ACCSL: variants seen among roughly 807,000 people sequenced by gnomAD.
ACCSL encodes probable inactive 1-aminocyclopropane-1-carboxylate synthase-like protein 2.
Under a neutral mutation model 61.7 loss-of-function variants are expected in ACCSL, and 55 were observed. The ratio of observed to expected loss-of-function variants is 0.89; its 90% CI spans 0.72 to 1.12. The LOEUF is 1.12. ACCSL is among the 50% of genes most tolerant of loss of function. The probability of loss-of-function intolerance (pLI) is 0.00; values close to 1 mark genes in which losing one functional copy is unlikely to be tolerated. For missense variants in ACCSL, 632 were observed against 698.0 expected (o/e 0.91, Z 1.07); for synonymous variants, 258 against 264.3 (o/e 0.98, Z 0.23).
the ACCSL span, among the ~76,000 whole-genome samples, chr11:43,980,424 G>T: frequency 6.6e-6 from 1 of 152,118 alleles, no homozygotes; most frequent in African/African-American, 2.4e-5. Flanking sequence ...CTTATCACAG[G>T]ATCTTATCAG....
chr11:44,032,237 C>T, the ACCSL span, among the ~76,000 whole-genome samples: 2 of 152,136 alleles, frequency 1.3e-5, no homozygotes, highest in Non-Finnish European at 2.9e-5. Context: ...CAAGATGCCT[C>T]ACCTTCCAGG....
the ACCSL span, among the ~76,000 whole-genome samples, chr11:43,933,791 G>C: frequency 6.6e-6 from 1 of 151,608 alleles, no homozygotes; most frequent in Non-Finnish European, 1.5e-5. Flanking sequence ...CTGGGCTGTG[G>C]CTCCCTCAGA....
chr11:43,952,570 C>G, the ACCSL span, among the ~76,000 whole-genome samples: 1 of 152,182 alleles, frequency 6.6e-6, no homozygotes, highest in African/African-American at 2.4e-5. Flanking sequence ...CTGTTCTGTT[C>G]CATTCTGATT....
the ACCSL span, among the ~76,000 whole-genome samples, chr11:43,958,225 C>G: frequency 6.6e-6 from 1 of 152,234 alleles, no homozygotes; most frequent in Non-Finnish European, 1.5e-5. Flanking sequence ...CCTAATTACT[C>G]TTGAAGGTAA....
At chr11:43,954,497 GA>G in the ACCSL span, among the ~76,000 whole-genome samples, 1 of 152,150 alleles carries the variant, frequency 6.6e-6, no homozygotes. Flanking sequence ...CATAGAGCGA[GA>G]AAATCTGGCC....
the ACCSL span, among the ~76,000 whole-genome samples, chr11:43,984,626 G>A: frequency 4.6e-5 from 7 of 152,376 alleles, no homozygotes; most frequent in Admixed American, 6.5e-5. Flanking sequence ...AGTTTGTGGC[G>A]TCCGAAAGGA....
intron 5 of ACCSL, 39 bp from the exon 6 acceptor site, chr11:44,052,623 A>C: frequency 1.9e-6 from 3 of 1,572,260 alleles, no homozygotes; most frequent in Non-Finnish European, 1.8e-6. Context: ...TCTGATTGGG[A>C]GACTTTGGAC....
chr11:44,008,094 C>A, the ACCSL span, among the ~76,000 whole-genome samples: 1 of 152,060 alleles, frequency 6.6e-6, no homozygotes, highest in African/African-American at 2.4e-5. Flanking sequence ...TGTCATTGTC[C>A]CCATCAACCT....
At chr11:43,936,337 T>C in the ACCSL span, among the ~76,000 whole-genome samples, 1 of 152,222 alleles carries the variant, frequency 6.6e-6, no homozygotes, top group Non-Finnish European at 1.5e-5. Flanking sequence ...AACCTTTCCC[T>C]GATATCTTCT....
At chr11:43,923,316 C>A in the ACCSL span, among the ~76,000 whole-genome samples, 8 of 152,324 alleles carry the variant, frequency 5.3e-5, no homozygotes, top group African/African-American at 1.7e-4. Flanking sequence ...ATCTAAGACC[C>A]ACTTTGCCTT....
At chr11:43,995,031 G>A in the ACCSL span, 1 of 152,224 alleles carries the variant, frequency 6.6e-6, no homozygotes, top group Non-Finnish European at 1.5e-5. Flanking sequence ...TATTTTCCCA[G>A]ATGGGGAGAG....
the ACCSL span, among the ~76,000 whole-genome samples, chr11:43,947,583 G>T: frequency 1.1e-4 from 17 of 152,148 alleles, no homozygotes; most frequent in African/African-American, 3.9e-4. Flanking sequence ...GAGGAAGGAG[G>T]TCCCTCAGGG....
chr11:44,001,236 C>G, the ACCSL span: 2 of 151,840 alleles, frequency 1.3e-5, no homozygotes, highest in Non-Finnish European at 2.9e-5. Flanking sequence ...ACAATTTTTA[C>G]CAGCGGAAAA....
At chr11:44,029,436 C>T in the ACCSL span, among the ~76,000 whole-genome samples, 1 of 152,254 alleles carries the variant, frequency 6.6e-6, no homozygotes, top group African/African-American at 2.4e-5. Context: ...GAGGCTTTCT[C>T]TGTATACCGT....
the ACCSL span, among the ~76,000 whole-genome samples, chr11:44,030,376 A>G: frequency 6.6e-6 from 1 of 151,482 alleles, no homozygotes; most frequent in South Asian, 2.1e-4. Flanking sequence ...ACAGACGTCC[A>G]GAAGCCTAGG....
chr11:44,035,936 T>TAAAAAAAAAAAA, the ACCSL span, among the ~76,000 whole-genome samples: 1 of 79,050 alleles, frequency 1.3e-5, no homozygotes, highest in Non-Finnish European at 2.4e-5. Context: ...AGACTCTGTG[T>TAAAAAAAAAAAA]AAAAAAAAAA....
At chr11:44,039,620 A>G in the ACCSL span, among the ~76,000 whole-genome samples, 2 of 152,206 alleles carry the variant, frequency 1.3e-5, no homozygotes, top group Non-Finnish European at 2.9e-5. Context: ...TACTCATGTA[A>G]CCAAACACAG....
At chr11:44,039,834 C>T in the ACCSL span, among the ~76,000 whole-genome samples, 1 of 152,176 alleles carries the variant, frequency 6.6e-6, no homozygotes, top group African/African-American at 2.4e-5. Context: ...CTGTGTAGAC[C>T]CCTAGAGAAA....
At chr11:44,037,835 C>T in the ACCSL span, among the ~76,000 whole-genome samples, 1 of 152,040 alleles carries the variant, frequency 6.6e-6, no homozygotes, top group Non-Finnish European at 1.5e-5. Flanking sequence ...GGGGCCCAGA[C>T]CTTAGAAAAT....
Sources: allele counts gnomAD v4.1 joint callset (sites outside exome capture counted in the v4.1 genomes callset), GRCh38; gene constraint gnomAD v4.1.1; transcripts MANE v1.5; gene names NCBI Gene and HGNC (gene_info 2026-07-23, HGNC 2026-07-21).